WDR72: variants seen among roughly 807,000 people sequenced by gnomAD.
WDR72 encodes WD repeat domain 72.
A neutral mutation model predicts 124.2 loss-of-function variants in WDR72; 120 were observed. The observed-to-expected ratio is 0.97, with a 90% confidence interval of 0.83 to 1.12. The LOEUF (loss-of-function observed/expected upper bound fraction) is 1.12. Among genes scored for constraint, WDR72 ranks in the 50% most tolerant of loss-of-function variants. The probability of loss-of-function intolerance (pLI) is 0.00; values close to 1 mark genes in which losing one functional copy is unlikely to be tolerated. For missense variants in WDR72, 1,387 were observed against 1,278.8 expected (o/e 1.08, Z -1.29); for synonymous variants, 452 against 441.7 (o/e 1.02, Z -0.29).
chr15:53,640,256 T>A (rs562243834), intron 14 of WDR72, among the ~76,000 whole-genome samples: 1 of 152,268 alleles, frequency 6.6e-6, no homozygotes, highest in African/African-American at 2.4e-5. Context: ...TTTAAGCACC[T>A]AATTACAAGG....
intron 12 of WDR72, among the ~76,000 whole-genome samples, chr15:53,700,765 TA>T (rs1434927684): frequency 1.3e-5 from 2 of 151,480 alleles, no homozygotes; most frequent in African/African-American, 4.9e-5. Context: ...CCAGAAATCG[TA>T]AGGAAAAAAA....
At chr15:53,736,618 A>G (rs1370783026) in intron 1 of WDR72, among the ~76,000 whole-genome samples, 3 of 152,170 alleles carry the variant, frequency 2.0e-5, no homozygotes, top group Non-Finnish European at 4.4e-5. Context: ...AGGCATGCAC[A>G]CTGAGGGGTG....
chr15:53,728,113 A>G (rs2140595984), intron 2 of WDR72, among the ~76,000 whole-genome samples: 1 of 152,324 alleles, frequency 6.6e-6, no homozygotes, highest in East Asian at 1.9e-4. Flanking sequence ...CAAAAGAAAG[A>G]AGTTTAATGG....
chr15:53,662,677 G>T (rs2140446198), intron 14 of WDR72, among the ~76,000 whole-genome samples: 1 of 152,144 alleles, frequency 6.6e-6, no homozygotes, highest in East Asian at 1.9e-4. Flanking sequence ...AACTCATGAA[G>T]CATTTTACTG....
chr15:53,712,035 T>C (rs1289117114), intron 7 of WDR72, among the ~76,000 whole-genome samples: 1 of 152,164 alleles, frequency 6.6e-6, no homozygotes, highest in African/African-American at 2.4e-5. Flanking sequence ...TTGTCCCTCT[T>C]AAAACAAATG....
chr15:53,554,905 A>G (rs546255215), intron 18 of WDR72, among the ~76,000 whole-genome samples: 1 of 152,216 alleles, frequency 6.6e-6, no homozygotes. Flanking sequence ...CTATTTGTCA[A>G]TTTTTATGGT....
Position 53,706,295 on chromosome 15 carries a change from A to G in WDR72, c.955-221T>C, listed in dbSNP as rs990748420. On this transcript the variant is annotated intron_variant, in intron 9 of 19. Transcript: ENST00000360509. ...AAGTCATAGACCTCAGAAAGTCAAT[A>G]AAAGTATCTAACATTTACTGACCAT... 1.5e-4 allele frequency among the ~76,000 whole-genome samples: 23 copies of G among 148,948 alleles called. 7 individuals are homozygous for G. The highest frequency in any genetic ancestry group is 1.4e-3 in the Admixed American group (21 of 14,994).
chr15:53,632,408 A>T (rs2014464850), intron 14 of WDR72, among the ~76,000 whole-genome samples: 3 of 152,066 alleles, frequency 2.0e-5, no homozygotes. Context: ...AAACACCTGG[A>T]TGTCCAAGCA....
chr15:53,541,283 C>T (rs1482488382), intron 18 of WDR72, among the ~76,000 whole-genome samples: 1 of 152,196 alleles, frequency 6.6e-6, no homozygotes, highest in Non-Finnish European at 1.5e-5. Flanking sequence ...TCCCAGTACG[C>T]AGCTGGAGAT....
At chr15:53,609,392 T>C (rs2013434887) in intron 17 of WDR72, 121 bp downstream of exon 17, 2 of 856,498 alleles carry the variant, frequency 2.3e-6, no homozygotes, top group Non-Finnish European at 3.8e-6. Flanking sequence ...CTATGTCTGT[T>C]CAAAGGCCAT....
intron 3 of WDR72, among the ~76,000 whole-genome samples, chr15:53,717,653 G>A (rs2017750704): frequency 6.6e-6 from 1 of 152,074 alleles, no homozygotes; most frequent in Non-Finnish European, 1.5e-5. Flanking sequence ...TTGGAACTAG[G>A]AACACACTAG....
chr15:53,600,088 T>C (rs925815624), intron 17 of WDR72, among the ~76,000 whole-genome samples: 1 of 152,158 alleles, frequency 6.6e-6, no homozygotes, highest in African/African-American at 2.4e-5. Context: ...AGAAAGGCTG[T>C]ATCTTCTAAA....
Position 53,712,847 on chromosome 15 carries a change from G to A in WDR72, c.636C>T (p.Ser212=). The A allele has an allele frequency of 6.2e-7, 1 of 1,613,746 alleles. No individual in the cohort carries two copies. Among genetic ancestry groups the A allele is most frequent in the Non-Finnish European group, 8.5e-7 (1 of 1,179,860 alleles). The change falls in exon 7 of 20, where the codon TCC becomes TCT. Residue 212 remains serine, a synonymous_variant. Coordinates refer to ENST00000360509, the MANE Select transcript of WDR72 (RefSeq NM_182758.4). The part of the protein sequence containing the change: ...VYEKESKFLE[S]LNCQTIRFCT... ...AAAATCGAATTGTCTGGCAGTTCAAGGACTCAAGAAACTTGGATTCTTTTT... is the reference window on the plus strand; with the variant it reads ...AAAATCGAATTGTCTGGCAGTTCAAAGACTCAAGAAACTTGGATTCTTTTT...
chr15:53,648,860 C>G (rs1327278975), intron 14 of WDR72, among the ~76,000 whole-genome samples: 2 of 137,722 alleles, frequency 1.5e-5, no homozygotes, highest in East Asian at 3.9e-4. Context: ...TTGACAAGAT[C>G]AAGCTTGTAG....
chr15:53,626,722 G>T (rs1029997353), intron 14 of WDR72, among the ~76,000 whole-genome samples: 1 of 152,126 alleles, frequency 6.6e-6, no homozygotes, highest in African/African-American at 2.4e-5. Flanking sequence ...GCATTTTAAT[G>T]AGCTCTCCTT....
In WDR72 at chr15:53,684,639, G is replaced by A. The variant is rs981564830; in HGVS notation, c.1765+15111C>T. The A allele has an allele frequency of 8.3e-5, 13 of 156,738 alleles. No individual in the cohort carries two copies. In the South Asian group the frequency reaches 2.2e-3, roughly 27 times the overall value. 9.7% of individuals were successfully genotyped at this position (156,738 alleles called of 1,614,324 possible). ...GCGGCAGCCAGGCTGGGGGAGGGGC[G>A]CCCGCCATTGCCCAGGCTTGATTAG... On this transcript the variant is annotated intron_variant, in intron 13 of 19. Transcript: ENST00000360509.
At chr15:53,525,764 G>T (rs1000417517) in intron 18 of WDR72, among the ~76,000 whole-genome samples, 2 of 151,964 alleles carry the variant, frequency 1.3e-5, no homozygotes, top group Non-Finnish European at 2.9e-5. Context: ...TGGGGGAGGG[G>T]AAATAAAGAT....
At chr15:53,724,251 A>G (rs1467039168) in intron 2 of WDR72, among the ~76,000 whole-genome samples, 1 of 152,204 alleles carries the variant, frequency 6.6e-6, no homozygotes, top group African/African-American at 2.4e-5. Context: ...AGTTACTACT[A>G]TATGGTATAC....
chr15:53,740,885 G>T (rs2018491288), intron 1 of WDR72, among the ~76,000 whole-genome samples: 1 of 152,148 alleles, frequency 6.6e-6, no homozygotes, highest in African/African-American at 2.4e-5. Flanking sequence ...ACCTTACAGG[G>T]TTGTTGTGAG....
Sources: gnomAD v4.1 joint callset for allele counts (sites outside exome capture counted in the v4.1 genomes callset) on GRCh38, gnomAD v4.1.1 for gene constraint, MANE v1.5 for transcripts, NCBI Gene and HGNC (gene_info 2026-07-23, HGNC 2026-07-21) for gene names.